PCDHGA1: variants seen among roughly 807,000 people sequenced by gnomAD.
PCDHGA1 encodes the protein protocadherin gamma-A1.
In PCDHGA1, 32 loss-of-function variants were observed where a neutral mutation model predicts 58.0. That is an observed-to-expected ratio of 0.55 (90% CI 0.42 to 0.74). The LOEUF is 0.74. Among genes scored for constraint, PCDHGA1 ranks in the 30% least tolerant of loss-of-function variants. The pLI, the probability that PCDHGA1 is intolerant of heterozygous loss-of-function variation, is 0.00. For missense variants in PCDHGA1, 1,205 were observed against 1,182.3 expected (o/e 1.02, Z -0.28); for synonymous variants, 498 against 501.1 (o/e 0.99, Z 0.08).
rs187873649 is a variant in PCDHGA1, at chr5:141,469,715, G to A, written c.2422-25092G>A. ...TATGACCTAGTAATCACACTATTAG[G>A]AATTTATCATAAATACACACCTCAA... On this transcript the variant is annotated intron_variant, in intron 1 of 3. Coordinates refer to ENST00000517417, the MANE Select transcript of PCDHGA1 (RefSeq NM_018912.3). Among the ~76,000 whole-genome samples, 552 of 152,160 alleles carry A rather than the reference G, an allele frequency of 3.6e-3. 1 individual carries two copies. Among genetic ancestry groups the A allele is most frequent in the Non-Finnish European group, 5.8e-3 (397 of 68,008 alleles).
rs745568006 is a variant in PCDHGA1, at chr5:141,332,250, T to A, written c.1566T>A (p.Tyr522Ter). The change falls in exon 1 of 4, where the codon TAT becomes TAA. Residue 522 changes from tyrosine (Y) to a stop codon, truncating the protein, a stop_gained. Transcript: ENST00000517417. LOFTEE classifies it high-confidence loss of function. The surrounding 1 kb of genome is among the most constrained non-coding windows in gnomAD (Gnocchi z 4.6). ...GVLYALRSFD[Y>*]EQFRDMQLKV... ...TGTATGCGCTGCGATCCTTCGACTA[T>A]GAGCAGTTCCGGGACATGCAACTGA... The A allele has an allele frequency of 6.2e-7, 1 of 1,614,222 alleles. No individual in the cohort carries two copies. Among genetic ancestry groups the A allele is most frequent in the East Asian group, 2.2e-5 (1 of 44,878 alleles).
Position 141,491,680 on chromosome 5 carries a change from A to G in PCDHGA1, c.2422-3127A>G. The G allele has an allele frequency of 6.2e-7, 1 of 1,613,304 alleles. No individual in the cohort carries two copies. The highest frequency in any genetic ancestry group is 2.2e-5 in the East Asian group (1 of 44,820). ...TGACGCCATCCGGTCCCGCTCTAATACGCTGCGGGAGCGGAGCCAGGTGAG... is the reference window on the plus strand; with the variant it reads ...TGACGCCATCCGGTCCCGCTCTAATGCGCTGCGGGAGCGGAGCCAGGTGAG... On this transcript the variant is annotated intron_variant, in intron 1 of 3. Transcript: ENST00000517417. The surrounding 1 kb of genome is among the most constrained non-coding windows in gnomAD (Gnocchi z 6.9).
At position 141,512,630 on chromosome 5, in the gene PCDHGA1, G is replaced by C. The variant is rs1335322474; in HGVS notation, c.*1457G>C. On this transcript the variant is annotated 3_prime_UTR_variant, in exon 4 of 4. Transcript: ENST00000517417. ...GGGGCTGCCAGAGAACCCCAGACCT[G>C]CCCTTACAGTAGTGTAGCGCCCCCT... The C allele has an allele frequency of 6.5e-6, 1 of 152,888 alleles. No individual in the cohort carries two copies. Among genetic ancestry groups the C allele is most frequent in the Non-Finnish European group, 1.5e-5 (1 of 68,576 alleles). 9.5% of individuals were successfully genotyped at this position (152,888 alleles called of 1,614,324 possible).
chr5:141,351,745 G>C, intron 1 of PCDHGA1: 1 of 1,613,668 alleles, frequency 6.2e-7, no homozygotes. Flanking sequence ...TGGAGCCGCG[G>C]GAGCTGTTGT....
chr5:141,473,665 T>C (rs1054239218), intron 1 of PCDHGA1, among the ~76,000 whole-genome samples: 1 of 152,142 alleles, frequency 6.6e-6, no homozygotes, highest in Non-Finnish European at 1.5e-5. Context: ...GTGAAGGCCC[T>C]GAGACAGGGA....
intron 1 of PCDHGA1, among the ~76,000 whole-genome samples, chr5:141,448,378 A>G (rs1288817591): frequency 6.6e-6 from 1 of 152,154 alleles, no homozygotes; most frequent in East Asian, 1.9e-4. Context: ...ATTTTTGAAT[A>G]GGAAATACAT....
In PCDHGA1 at chr5:141,330,812, C is replaced by T. The variant is rs1756324641; in HGVS notation, c.128C>T (p.Ser43Phe). 6.2e-7 allele frequency: 1 copy of T among 1,614,200 alleles called. No individual in the cohort carries two copies. Among genetic ancestry groups the T allele is most frequent in the Non-Finnish European group, 8.5e-7 (1 of 1,180,040 alleles). Residue 43 changes from serine to phenylalanine, a missense_variant, in exon 1 of 4, where the codon TCC (serine) becomes TTC (phenylalanine). Transcript: ENST00000517417. ...YSVPEETDKG[S>F]FVGNIAKDLG... Reference sequence around the variant, plus strand: ...GTGCCGGAAGAGACAGACAAAGGTTCCTTCGTAGGCAACATCGCCAAGGAC... The same window carrying T: ...GTGCCGGAAGAGACAGACAAAGGTTTCTTCGTAGGCAACATCGCCAAGGAC...
chr5:141,422,594 C>G, intron 1 of PCDHGA1: 1 of 1,614,090 alleles, frequency 6.2e-7, no homozygotes, highest in Non-Finnish European at 8.5e-7. Flanking sequence ...TTTCCTCACT[C>G]CTCTTACTCT....
At chr5:141,423,183 G>GCCCCCTCTCTCGGCCAC (rs760086052) in intron 1 of PCDHGA1, 8 of 1,613,570 alleles carry the variant, frequency 5.0e-6, no homozygotes, top group Non-Finnish European at 6.8e-6. Context: ...ACCACGGCCA[G>GCCCCCTCTCTCGGCCAC]CCCCCTCTCT....
intron 1 of PCDHGA1, chr5:141,345,359 G>A: frequency 6.2e-7 from 1 of 1,614,102 alleles, no homozygotes; most frequent in Non-Finnish European, 8.5e-7. Flanking sequence ...CCCTGCATGT[G>A]ATTGACATCA....
intron 1 of PCDHGA1, chr5:141,393,798 G>C (rs1228076034): frequency 1.2e-6 from 2 of 1,613,876 alleles, no homozygotes; most frequent in Non-Finnish European, 1.7e-6. Flanking sequence ...GGCACTTCTG[G>C]GGAGGACCAA....
chr5:141,365,936 G>T, intron 1 of PCDHGA1: 1 of 1,614,202 alleles, frequency 6.2e-7, no homozygotes, highest in Non-Finnish European at 8.5e-7. Flanking sequence ...GACAGCCAGC[G>T]ACAGTGGGAA....
chr5:141,487,377 C>G lies in PCDHGA1; in HGVS notation c.2422-7430C>G, dbSNP rs758216933. On this transcript the variant is annotated intron_variant, in intron 1 of 3. Coordinates refer to ENST00000517417, the MANE Select transcript of PCDHGA1 (RefSeq NM_018912.3). This position sits in a 1 kb window ranked among gnomAD's most constrained non-coding sequence, Gnocchi z 5.0. ...CCTGCTGGCACCTGTGCCTGTCTCA[C>G]CAGATCTCGAAGGAGGGAGGGGCTT... 6.2e-7 allele frequency: 1 copy of G among 1,614,190 alleles called. No individual in the cohort carries two copies. The highest frequency in any genetic ancestry group is 1.1e-5 in the South Asian group (1 of 91,086).
At chr5:141,370,963 G>A in intron 1 of PCDHGA1, 1 of 1,614,018 alleles carries the variant, frequency 6.2e-7, no homozygotes, top group Non-Finnish European at 8.5e-7. Flanking sequence ...GATGGCAGTA[G>A]GTACCCAGAG....
intron 1 of PCDHGA1, chr5:141,351,078 A>C (rs1758637541): frequency 2.5e-6 from 4 of 1,613,942 alleles, no homozygotes; most frequent in Non-Finnish European, 3.4e-6. Flanking sequence ...ATTAATGCAG[A>C]GATCACCTAT....
intron 2 of PCDHGA1, among the ~76,000 whole-genome samples, chr5:141,500,324 T>G (rs1165047676): frequency 6.6e-6 from 1 of 151,994 alleles, no homozygotes; most frequent in African/African-American, 2.4e-5. Flanking sequence ...TGCTCCTGCC[T>G]CAGCCTCCAG....
intron 1 of PCDHGA1, chr5:141,399,958 G>C: frequency 1.2e-6 from 2 of 1,612,122 alleles, no homozygotes; most frequent in Middle Eastern, 3.8e-4. Context: ...TAGCGAGCCC[G>C]GGCTCTTCAG....
rs1561863583 is a variant in PCDHGA1, at chr5:141,432,685, C to A, written c.2422-62122C>A. Reference sequence around the variant, plus strand: ...ACAGAGACGCGCTCAAGCAGAGCCTCGTAGTGGCCGTCCAGGACCACGGCC... The same window carrying A: ...ACAGAGACGCGCTCAAGCAGAGCCTAGTAGTGGCCGTCCAGGACCACGGCC... On this transcript the variant is annotated intron_variant, in intron 1 of 3. Transcript: ENST00000517417. The surrounding 1 kb of genome is among the most constrained non-coding windows in gnomAD (Gnocchi z 6.0). 3.7e-6 allele frequency: 6 copies of A among 1,613,932 alleles called. No individual in the cohort carries two copies. Among genetic ancestry groups the A allele is most frequent in the Non-Finnish European group, 5.1e-6 (6 of 1,179,966 alleles).
chr5:141,345,729 G>C, intron 1 of PCDHGA1: 2 of 1,614,194 alleles, frequency 1.2e-6, no homozygotes, highest in Non-Finnish European at 1.7e-6. Context: ...CCTGTACCCC[G>C]CCCTCCCCAC....
Sources: gnomAD v4.1 joint callset for allele counts (sites outside exome capture counted in the v4.1 genomes callset) on GRCh38, gnomAD v4.1.1 for gene constraint, Gnocchi (gnomAD v3.1) non-coding constraint, MANE v1.5 for transcripts, NCBI Gene and HGNC (gene_info 2026-07-23, HGNC 2026-07-21) for gene names.